The following AQP10 variants were observed in gnomAD, a reference collection of about 807,000 sequenced individuals.
The protein encoded by AQP10 is aquaporin 10.
A neutral mutation model predicts 21.0 loss-of-function variants in AQP10; 15 were observed. The observed-to-expected ratio is 0.71, with a 90% CI of 0.48 to 1.10. The LOEUF (loss-of-function observed/expected upper bound fraction) is 1.10. Among genes scored for constraint, AQP10 ranks in the 50% least tolerant of loss-of-function variants. The pLI is 0.00. For synonymous variants in AQP10, 143 were observed against 155.7 expected (o/e 0.92, Z 0.61); for missense variants, 268 against 379.5 (o/e 0.71, Z 2.44).
rs1182531001 is a variant in AQP10 at position 154,322,995 on chromosome 1, T to A, written c.246T>A (p.Asn82Lys). The A allele has an allele frequency of 1.2e-6, 2 of 1,614,198 alleles. No homozygotes were observed. The highest frequency in any genetic ancestry group is 1.7e-6 in the Non-Finnish European group (2 of 1,180,034). ...TGATACTTGAAGGGGCCCACCTGAATCCAGCCTTCTCCCTGGCCATGTGCA... is the reference window on the plus strand; with the variant it reads ...TGATACTTGAAGGGGCCCACCTGAAACCAGCCTTCTCCCTGGCCATGTGCA... Reference protein sequence around the residue: ...VGGNVSGAHLNPAFSLAMCIV... With the variant: ...VGGNVSGAHLKPAFSLAMCIV... The change falls in exon 3 of 6, where the codon AAT becomes AAA. Residue 82 changes from asparagine (N) to lysine (K), a missense_variant. Coordinates refer to ENST00000324978, the MANE Select transcript of AQP10 (RefSeq NM_080429.3).
chr1:154,323,394 T>C lies in AQP10; in HGVS notation c.489+35T>C, dbSNP rs762478363. On this transcript the variant is annotated intron_variant, in intron 4 of 5. Coordinates refer to ENST00000324978, the MANE Select transcript of AQP10 (RefSeq NM_080429.3). This position sits in a 1 kb window ranked among gnomAD's most constrained non-coding sequence, Gnocchi z 4.5. ...AGGGGGAGACCTGGGGACACTACTTTGGTCCTGTTCCTCGGCACCCCAGCC... is the reference window on the plus strand; with the variant it reads ...AGGGGGAGACCTGGGGACACTACTTCGGTCCTGTTCCTCGGCACCCCAGCC... 6.3e-7 allele frequency: 1 copy of C among 1,597,322 alleles called. No individual in the cohort carries two copies. Among genetic ancestry groups the C allele is most frequent in the Non-Finnish European group, 8.6e-7 (1 of 1,166,104 alleles).
At position 154,323,585 on chromosome 1, in the gene AQP10, C is replaced by T; in HGVS notation, c.490-4C>T. 5.0e-6 allele frequency: 8 copies of T among 1,611,634 alleles called. No individual in the cohort carries two copies. Among genetic ancestry groups the T allele is most frequent in the Non-Finnish European group, 6.8e-6 (8 of 1,177,964 alleles). ...GGGAACCCTCTGCCTCTGTTGACTC[C>T]AAGGTTCTGGGCACTGGGATGCTGA... On this transcript the variant is annotated splice_polypyrimidine_tract_variant and splice_region_variant and intron_variant, in intron 4 of 5. Coordinates refer to ENST00000324978, the MANE Select transcript of AQP10 (RefSeq NM_080429.3). This position sits in a 1 kb window ranked among gnomAD's most constrained non-coding sequence, Gnocchi z 4.5.
At chr1:154,322,489 C>CTTTTTTTTT (rs5777905) in intron 2 of AQP10, among the ~76,000 whole-genome samples, 5 of 117,852 alleles carry the variant, frequency 4.2e-5, no homozygotes, top group Non-Finnish European at 6.7e-5. Flanking sequence ...GTGTCTTCTT[C>CTTTTTTTTT]TTTTTTTTTT....
Position 154,324,593 on chromosome 1 carries a change from G to A in AQP10, c.*113G>A. ...GTGCCAGAACCTGGGAGGCTTCTCT[G>A]TTTATCTGTTTGGCATCCCTTCCTC... On this transcript the variant is annotated 3_prime_UTR_variant, in exon 6 of 6. Coordinates refer to ENST00000324978, the MANE Select transcript of AQP10 (RefSeq NM_080429.3). 1 of 1,114,516 alleles carries A rather than the reference G, an allele frequency of 9.0e-7. No homozygotes were observed. Among genetic ancestry groups the A allele is most frequent in the East Asian group, 2.7e-5 (1 of 37,076 alleles). 69.0% of individuals were successfully genotyped at this position (1,114,516 alleles called of 1,614,324 possible). A position where few individuals can be genotyped will look rare whatever the true frequency, so the allele number is the denominator to read the frequency against.
At position 154,324,437 on chromosome 1, in the gene AQP10, TG is replaced by T. The variant is rs757433220; in HGVS notation, c.865del (p.Glu289LysfsTer15). 3.7e-6 allele frequency: 6 copies of T among 1,613,698 alleles called. No individual in the cohort carries two copies. Among genetic ancestry groups the T allele is most frequent in the Non-Finnish European group, 5.1e-6 (6 of 1,179,958 alleles). On this transcript the variant is annotated frameshift_variant, in exon 6 of 6. Transcript: ENST00000324978. LOFTEE classifies it high-confidence loss of function. ...TCTGCTCAACACAAAGCCTCAGAGTTGGAAACTCCTGCCTCAGCTCAGATGC... is the reference window on the plus strand; with the variant it reads ...TCTGCTCAACACAAAGCCTCAGAGTTGAAACTCCTGCCTCAGCTCAGATGC... ...LVSAQHKASE[L>X]ETPASAQMLE... is the part of the protein sequence containing the mutation.
At position 154,324,409 on chromosome 1, in the gene AQP10, G is replaced by A; in HGVS notation, c.835G>A (p.Val279Met). ...PEGPEPAQDL[V>M]SAQHKASELE... Reference sequence around the variant, plus strand: ...GGGCCCAGAGCCAGCTCAGGATCTGGTGTCTGCTCAACACAAAGCCTCAGA... The same window carrying A: ...GGGCCCAGAGCCAGCTCAGGATCTGATGTCTGCTCAACACAAAGCCTCAGA... Residue 279 changes from valine (V) to methionine (M), a missense_variant, in exon 6 of 6, where the codon GTG becomes ATG. By Grantham distance (21) the Val-to-Met change is conservative (BLOSUM62 1). Coordinates refer to ENST00000324978, the MANE Select transcript of AQP10 (RefSeq NM_080429.3). The A allele has an allele frequency of 6.2e-7, 1 of 1,613,740 alleles. No individual in the cohort carries two copies. The highest frequency in any genetic ancestry group is 1.1e-5 in the South Asian group (1 of 91,080).
At position 154,324,514 on chromosome 1, in the gene AQP10, G is replaced by A. The variant is rs1685719603; in HGVS notation, c.*34G>A. ...ACCCTCACTTCACTCATGGACCCTG[G>A]AGCCAGCCACTGACCCCGCCTGGGA... On this transcript the variant is annotated 3_prime_UTR_variant, in exon 6 of 6. Transcript: ENST00000324978. 6.3e-7 allele frequency: 1 copy of A among 1,593,894 alleles called. No individual in the cohort carries two copies. Among genetic ancestry groups the A allele is most frequent in the Admixed American group, 1.7e-5 (1 of 57,168 alleles).
At chr1:154,324,229 G>C (rs768574590) in intron 5 of AQP10, 53 bp from the exon 6 acceptor site, 47 of 1,476,954 alleles carry the variant, frequency 3.2e-5, no homozygotes, top group Non-Finnish European at 4.1e-5. Flanking sequence ...CCTTGGAGAG[G>C]GGAAGGCTAA....
chr1:154,322,370 GT>G (rs1685664709), intron 2 of AQP10, among the ~76,000 whole-genome samples: 1 of 151,944 alleles, frequency 6.6e-6, no homozygotes, highest in Admixed American at 6.6e-5. Context: ...GACCTCTCCT[GT>G]TTGTACCCCA....
chr1:154,324,617 T>A lies in AQP10; in HGVS notation c.*137T>A. 4 of 874,168 alleles carry A rather than the reference T, an allele frequency of 4.6e-6. No individual in the cohort carries two copies. In the South Asian group the frequency reaches 7.4e-5, roughly 16 times the overall value. The allele number at this position is 874,168 out of a possible 1,614,324, so 54.2% of individuals were successfully genotyped here. A position where few individuals can be genotyped will look rare whatever the true frequency, so the allele number is the denominator to read the frequency against. ...TGTTTATCTGTTTGGCATCCCTTCC[T>A]CCTAAACTAAGAAGGATCCTGGACA... On this transcript the variant is annotated 3_prime_UTR_variant, in exon 6 of 6. Coordinates refer to ENST00000324978, the MANE Select transcript of AQP10 (RefSeq NM_080429.3).
At position 154,324,666 on chromosome 1, in the gene AQP10, T is replaced by A; in HGVS notation, c.*186T>A. ...CAGGGAGAAGTGGAGGAGGATAAGGTACCAGGACTCAGGCTTCTCATCCCC... is the reference window on the plus strand; with the variant it reads ...CAGGGAGAAGTGGAGGAGGATAAGGAACCAGGACTCAGGCTTCTCATCCCC... On this transcript the variant is annotated 3_prime_UTR_variant, in exon 6 of 6. Coordinates refer to ENST00000324978, the MANE Select transcript of AQP10 (RefSeq NM_080429.3). 2 of 577,784 alleles carry A rather than the reference T, an allele frequency of 3.5e-6. No individual in the cohort carries two copies. Among genetic ancestry groups the A allele is most frequent in the South Asian group, 5.6e-5 (2 of 35,596 alleles). 35.8% of individuals were successfully genotyped at this position (577,784 alleles called of 1,614,324 possible). A position where few individuals can be genotyped will look rare whatever the true frequency, so the allele number is the denominator to read the frequency against.
intron 5 of AQP10, chr1:154,324,066 AT>A: frequency 9.2e-6 from 12 of 1,304,234 alleles, no homozygotes; most frequent in Non-Finnish European, 1.1e-5. Context: ...CAAAATTAAT[AT>A]ATTCAGATAA....
rs1249205577 is a variant in AQP10 at position 154,323,285 on chromosome 1, C to G, written c.415C>G (p.Pro139Ala). ...AGGTGGGAACCTGACAGTGACTGGC[C>G]CCAAGGAGACAGCCTCCATTTTTGC... ...YTGGNLTVTG[P>A]KETASIFATY... Residue 139 changes from proline (P) to alanine (A), a missense_variant, in exon 4 of 6, where the codon CCC (proline) becomes GCC (alanine). Pro to Ala is a conservative substitution (Grantham distance 27, BLOSUM62 -1). Coordinates refer to ENST00000324978, the MANE Select transcript of AQP10 (RefSeq NM_080429.3). The surrounding 1 kb of genome is among the most constrained non-coding windows in gnomAD (Gnocchi z 4.5). The G allele has an allele frequency of 6.2e-7, 1 of 1,614,130 alleles. No individual in the cohort carries two copies. The highest frequency in any genetic ancestry group is 8.5e-7 in the Non-Finnish European group (1 of 1,180,024).
In AQP10 at chr1:154,323,412, C is replaced by T; in HGVS notation, c.489+53C>T. 6.4e-7 allele frequency: 1 copy of T among 1,567,342 alleles called. No homozygotes were observed. Among genetic ancestry groups the T allele is most frequent in the Non-Finnish European group, 8.8e-7 (1 of 1,141,132 alleles). Reference sequence around the variant, plus strand: ...ACTACTTTGGTCCTGTTCCTCGGCACCCCAGCCTATTGTTCAGTCTCTGGG... The same window carrying T: ...ACTACTTTGGTCCTGTTCCTCGGCATCCCAGCCTATTGTTCAGTCTCTGGG... On this transcript the variant is annotated intron_variant, in intron 4 of 5. Transcript: ENST00000324978. The surrounding 1 kb of genome is among the most constrained non-coding windows in gnomAD (Gnocchi z 4.5).
In AQP10 at chr1:154,324,343, A is replaced by ACAGCCACTT. The variant is rs752750038; in HGVS notation, c.770_778dup (p.Thr259_Tyr260insSerAlaThr). 1 of 1,605,066 alleles carries ACAGCCACTT rather than the reference A, an allele frequency of 6.2e-7. No individual in the cohort carries two copies. Among genetic ancestry groups the ACAGCCACTT allele is most frequent in the Non-Finnish European group, 8.5e-7 (1 of 1,177,014 alleles). On this transcript the variant is annotated inframe_insertion, in exon 6 of 6. Coordinates refer to ENST00000324978, the MANE Select transcript of AQP10 (RefSeq NM_080429.3). ...CCCTCTGGTGGGGGCCACCGTTGGC[A>ACAGCCACTT]CAGCCACTTACCAGCTGTTGGTGGC...
Position 154,322,063 on chromosome 1 carries a change from A to C in AQP10, c.232+4A>C. ...TACGTGGGTGGTAACGTCTCAGGTG[A>C]GGAGGGTGGGGTCTGGTCATCAGAG... On this transcript the variant is annotated splice_donor_region_variant and intron_variant, in intron 2 of 5. Transcript: ENST00000324978. 6.2e-7 allele frequency: 1 copy of C among 1,613,144 alleles called. No homozygotes were observed. The highest frequency in any genetic ancestry group is 1.3e-5 in the African/African-American group (1 of 75,016).
chr1:154,322,481 G>GTCTTCTTCTTCT (rs746975027), intron 2 of AQP10, among the ~76,000 whole-genome samples: 2 of 129,132 alleles, frequency 1.5e-5, no homozygotes, highest in South Asian at 2.5e-4. Context: ...GATTCACAGT[G>GTCTTCTTCTTCT]TCTTCTTCTT....
chr1:154,323,786 C>T lies in AQP10; in HGVS notation c.687C>T (p.Gly229=), dbSNP rs1685700926. Residue 229 remains glycine, a synonymous_variant, in exon 5 of 6, where the codon GGC becomes GGT. Coordinates refer to ENST00000324978, the MANE Select transcript of AQP10 (RefSeq NM_080429.3). This position sits in a 1 kb window ranked among gnomAD's most constrained non-coding sequence, Gnocchi z 4.5. The part of the protein sequence containing the change: ...LGPRLFTYVA[G]WGPEVFSAGN... ...CACGTCTCTTCACCTACGTGGCTGG[C>T]TGGGGTCCTGAAGTCTTCAGGTGGG... 18 of 1,614,036 alleles carry T rather than the reference C, an allele frequency of 1.1e-5. No homozygotes were observed. The highest frequency in any genetic ancestry group is 1.4e-5 in the Non-Finnish European group (17 of 1,179,994).
chr1:154,322,613 C>G (rs3890153), intron 2 of AQP10, among the ~76,000 whole-genome samples: 45,547 of 151,412 alleles, frequency 0.3, 6,910 homozygotes, highest in South Asian at 0.32. Flanking sequence ...ATTCTCCTGC[C>G]TCAGCATCCC....
Sources: gnomAD v4.1 joint callset for allele counts (sites outside exome capture counted in the v4.1 genomes callset) on GRCh38, gnomAD v4.1.1 for gene constraint, Gnocchi (gnomAD v3.1) non-coding constraint, MANE v1.5 for transcripts, NCBI Gene and HGNC (gene_info 2026-07-23, HGNC 2026-07-21) for gene names.